MYO5B: variants seen among roughly 807,000 people sequenced by gnomAD.
MYO5B encodes the protein myosin VB.
MYO5B carries 143 observed loss-of-function variants against 229.3 expected under a neutral mutation model. That is an observed-to-expected ratio of 0.62 (90% CI 0.54 to 0.72). The LOEUF (loss-of-function observed/expected upper bound fraction) is 0.72. Among genes scored for constraint, MYO5B ranks in the 30% least tolerant of loss-of-function variants. The pLI, the probability that MYO5B is intolerant of heterozygous loss-of-function variation, is 0.00. For synonymous variants in MYO5B, 918 were observed against 885.2 expected, an observed-to-expected ratio of 1.04 and a Z score of -0.66; for missense variants, 2,321 against 2,331.0, an observed-to-expected ratio of 1.00 and a Z score of 0.09.
Position 49,826,382 on chromosome 18 carries a change from A to G in MYO5B, c.*89T>C. 2.7e-6 allele frequency: 4 copies of G among 1,493,356 alleles called. No individual in the cohort carries two copies. Among genetic ancestry groups the G allele is most frequent in the Non-Finnish European group, 3.7e-6 (4 of 1,088,260 alleles). The allele number at this position is 1,493,356 out of a possible 1,614,324, so 92.5% of individuals were successfully genotyped here. ...ATCTCTGATTTGATCTACTTTTACC[A>G]GATTTAACAGATCCTTGAATTTACT... On this transcript the variant is annotated 3_prime_UTR_variant, in exon 40 of 40. Transcript: ENST00000285039.
intron 39 of MYO5B, among the ~76,000 whole-genome samples, chr18:49,827,432 T>C (rs2023860838): frequency 6.6e-6 from 1 of 152,174 alleles, no homozygotes; most frequent in African/African-American, 2.4e-5. Flanking sequence ...TGGGATGCAA[T>C]GGCTTCCACT....
chr18:50,163,698 G>T (rs1370213121), intron 1 of MYO5B, among the ~76,000 whole-genome samples: 1 of 152,190 alleles, frequency 6.6e-6, no homozygotes, highest in Non-Finnish European at 1.5e-5. Context: ...AAGTTGGGCA[G>T]AAACAGCTTC....
In MYO5B at chr18:49,863,229, G is replaced by A. The variant is rs1400605604; in HGVS notation, c.3942C>T (p.Asn1314=). Residue 1314 remains asparagine, a splice_region_variant and synonymous_variant, in exon 29 of 40, where the codon AAC becomes AAT. Transcript: ENST00000285039. ...IEAYHGVCQT[N]SKTEDWGYLN... ...ACATTTGACCGCGGCGGCCTTACCT[G>A]TTTGTCTGGCAGACCCCGTGATAGG... 6.2e-7 allele frequency: 1 copy of A among 1,612,380 alleles called. No homozygotes were observed. The highest frequency in any genetic ancestry group is 8.5e-7 in the Non-Finnish European group (1 of 1,179,598).
At chr18:50,186,348 A>T (rs1351779067) in intron 1 of MYO5B, among the ~76,000 whole-genome samples, 1 of 152,240 alleles carries the variant, frequency 6.6e-6, no homozygotes, top group African/African-American at 2.4e-5. Flanking sequence ...TTGTTTCAAT[A>T]ATCATTTGTA....
chr18:50,188,750 G>A (rs926019360), intron 1 of MYO5B, among the ~76,000 whole-genome samples: 23 of 132,068 alleles, frequency 1.7e-4, no homozygotes, highest in African/African-American at 6.6e-4. Flanking sequence ...TCGTTCCACT[G>A]CACTCTAGAC....
At chr18:50,194,546 G>C (rs552282921) in intron 1 of MYO5B, among the ~76,000 whole-genome samples, 1 of 152,214 alleles carries the variant, frequency 6.6e-6, no homozygotes, top group African/African-American at 2.4e-5. Flanking sequence ...GAACCTCTAG[G>C]AGCCGGGTGG....
At chr18:50,134,537 AGAGT>A (rs2032305684) in intron 1 of MYO5B, among the ~76,000 whole-genome samples, 1 of 151,042 alleles carries the variant, frequency 6.6e-6, no homozygotes, top group South Asian at 2.1e-4. Flanking sequence ...CCTGGGCGAT[AGAGT>A]GAGACTCCAT....
At chr18:49,911,999 C>A in intron 18 of MYO5B, 63 bp downstream of exon 18, 1 of 1,250,172 alleles carries the variant, frequency 8.0e-7, no homozygotes, top group Non-Finnish European at 1.2e-6. Context: ...GATAACGACG[C>A]CACCCCCTCA....
At chr18:49,991,294 C>T (rs1247324702) in intron 6 of MYO5B, among the ~76,000 whole-genome samples, 1 of 152,084 alleles carries the variant, frequency 6.6e-6, no homozygotes, top group East Asian at 1.9e-4. Flanking sequence ...GAGATGTCAC[C>T]AAGAAACAAA....
At chr18:49,980,201 A>G (rs191714817) in intron 9 of MYO5B, among the ~76,000 whole-genome samples, 2 of 152,282 alleles carry the variant, frequency 1.3e-5, no homozygotes, top group African/African-American at 4.8e-5. Context: ...TGGGAAATCA[A>G]CCCAACAAAA....
chr18:50,103,107 T>A (rs895674614), intron 1 of MYO5B, among the ~76,000 whole-genome samples: 3 of 152,248 alleles, frequency 2.0e-5, no homozygotes, highest in African/African-American at 7.2e-5. Context: ...AGGCTCACCT[T>A]GGGCTTCCAG....
At chr18:49,995,081 A>C (rs889025041) in intron 5 of MYO5B, among the ~76,000 whole-genome samples, 1 of 152,064 alleles carries the variant, frequency 6.6e-6, no homozygotes, top group Admixed American at 6.5e-5. Flanking sequence ...ATATACCTGA[A>C]TCCAAAGTCT....
intron 2 of MYO5B, among the ~76,000 whole-genome samples, chr18:50,041,629 C>T (rs1452170137): frequency 1.3e-5 from 2 of 152,062 alleles, no homozygotes; most frequent in African/African-American, 4.8e-5. Flanking sequence ...TATTCTTATT[C>T]TTATTCTCTC....
At chr18:49,967,423 C>T (rs1329525579) in intron 10 of MYO5B, among the ~76,000 whole-genome samples, 2 of 152,206 alleles carry the variant, frequency 1.3e-5, no homozygotes, top group South Asian at 2.1e-4. Flanking sequence ...GGAAACTCTA[C>T]GTTCCCCTGG....
intron 1 of MYO5B, among the ~76,000 whole-genome samples, chr18:50,164,542 C>T (rs2032816116): frequency 6.6e-6 from 1 of 151,582 alleles, no homozygotes; most frequent in Admixed American, 6.6e-5. Context: ...GACTCAATGT[C>T]TCCCTGGAAT....
chr18:50,165,135 C>T (rs937358848), intron 1 of MYO5B, among the ~76,000 whole-genome samples: 4 of 152,228 alleles, frequency 2.6e-5, no homozygotes, highest in African/African-American at 9.6e-5. Flanking sequence ...TAGTCATCAA[C>T]TCAGGGGAGA....
At chr18:50,033,062 T>C (rs745941805) in intron 4 of MYO5B, among the ~76,000 whole-genome samples, 1 of 152,210 alleles carries the variant, frequency 6.6e-6, no homozygotes, top group Admixed American at 6.5e-5. Flanking sequence ...GGGGGATTTT[T>C]GTTTTACTTT....
chr18:50,164,809 T>C (rs548349922), intron 1 of MYO5B, among the ~76,000 whole-genome samples: 1 of 152,348 alleles, frequency 6.6e-6, no homozygotes, highest in African/African-American at 2.4e-5. Context: ...GTTCTCATTG[T>C]TCTCTGATGC....
At chr18:50,025,519 A>T (rs1379692136) in intron 4 of MYO5B, among the ~76,000 whole-genome samples, 1 of 151,330 alleles carries the variant, frequency 6.6e-6, no homozygotes, top group East Asian at 1.9e-4. Flanking sequence ...TCTGCTGAAA[A>T]CCCTGCTGTC....
Sources: gnomAD v4.1 joint callset for allele counts (sites outside exome capture counted in the v4.1 genomes callset) on GRCh38, gnomAD v4.1.1 for gene constraint, MANE v1.5 for transcripts, NCBI Gene and HGNC (gene_info 2026-07-23, HGNC 2026-07-21) for gene names.